Variants in APCDD1L observed in about 807,000 individuals in gnomAD.
APCDD1L encodes protein APCDD1-like.
Under a neutral mutation model 24.2 loss-of-function variants are expected in APCDD1L, and 21 were observed. That is an observed-to-expected ratio of 0.87 (90% CI 0.61 to 1.25). The LOEUF is 1.25. Ranked by LOEUF, APCDD1L falls within the 50% of genes most tolerant of loss-of-function variation. The pLI is 0.00. For synonymous variants in APCDD1L, 321 were observed against 323.6 expected (o/e 0.99, Z 0.09); for missense variants, 704 against 711.7 (o/e 0.99, Z 0.12).
At chr20:58,473,684 C>T (rs759373613) in intron 1 of APCDD1L, among the ~76,000 whole-genome samples, 18 of 152,140 alleles carry the variant, frequency 1.2e-4, no homozygotes, top group Non-Finnish European at 2.2e-4. Flanking sequence ...GGTTGGGTTA[C>T]ACAACTTTTT....
At chr20:58,514,363 C>T (rs1990695304) in intron 1 of APCDD1L, among the ~76,000 whole-genome samples, 1 of 152,206 alleles carries the variant, frequency 6.6e-6, no homozygotes, top group Non-Finnish European at 1.5e-5. Context: ...TCCCACTGGG[C>T]CCGGCACAAA....
At chr20:58,514,534 A>G (rs1014306677) in intron 1 of APCDD1L, 125 bp downstream of exon 1, 11 of 977,276 alleles carry the variant, frequency 1.1e-5, no homozygotes, top group Admixed American at 4.3e-5. Flanking sequence ...CGCAGGGCGC[A>G]GCATAGCAGC....
chr20:58,490,114 T>C (rs1484318729), intron 1 of APCDD1L, among the ~76,000 whole-genome samples: 1 of 152,182 alleles, frequency 6.6e-6, no homozygotes, highest in African/African-American at 2.4e-5. Context: ...TGGCAGGAGG[T>C]GAAAGTCCAC....
intron 1 of APCDD1L, 59 bp downstream of exon 1, chr20:58,514,600 G>A (rs958170167): frequency 1.6e-5 from 21 of 1,286,248 alleles, no homozygotes; most frequent in Non-Finnish European, 2.1e-5. Flanking sequence ...ACATTAGACG[G>A]CGAGCTCCCT....
chr20:58,493,115 GCA>G (rs375913656), intron 1 of APCDD1L, among the ~76,000 whole-genome samples: 6 of 151,630 alleles, frequency 4.0e-5, no homozygotes, highest in South Asian at 2.1e-4. Context: ...ATGCAAGCAT[GCA>G]CACACACATA....
In APCDD1L at chr20:58,496,561, C is replaced by T. The variant is rs963326067; in HGVS notation, c.49+18098G>A. On this transcript the variant is annotated intron_variant, in intron 1 of 3. Coordinates refer to ENST00000371149, the MANE Select transcript of APCDD1L (RefSeq NM_153360.3). ...CGACAGGGGAGAGAAAGGTGGGCTC[C>T]GTGGGCCTGAGCAACGGCAGGTGCA... Among the ~76,000 whole-genome samples, 11 of 152,200 alleles carry T rather than the reference C, an allele frequency of 7.2e-5. 1 individual carries two copies. The highest frequency in any genetic ancestry group is 4.1e-4 in the South Asian group (2 of 4,830).
chr20:58,483,004 G>A (rs1334126541), intron 1 of APCDD1L, among the ~76,000 whole-genome samples: 2 of 152,162 alleles, frequency 1.3e-5, no homozygotes, highest in Admixed American at 6.5e-5. Flanking sequence ...ATTCTGCCCA[G>A]TACTGGTCCA....
chr20:58,491,236 A>C (rs1405752693), intron 1 of APCDD1L, among the ~76,000 whole-genome samples: 1 of 152,238 alleles, frequency 6.6e-6, no homozygotes, highest in Non-Finnish European at 1.5e-5. Flanking sequence ...AATGACAATG[A>C]CTTTCAATGT....
At chr20:58,473,322 G>A (rs1172749007) in intron 1 of APCDD1L, among the ~76,000 whole-genome samples, 4 of 152,064 alleles carry the variant, frequency 2.6e-5, no homozygotes, top group Admixed American at 1.3e-4. Context: ...TGTTTCTGCC[G>A]AGTGCATTTT....
At chr20:58,479,596 T>C (rs1450444428) in intron 1 of APCDD1L, among the ~76,000 whole-genome samples, 1 of 118,658 alleles carries the variant, frequency 8.4e-6, no homozygotes, top group Non-Finnish European at 1.6e-5. Context: ...AGATTTGCTT[T>C]TTTTTTTTTT....
At position 58,461,320 on chromosome 20, in the gene APCDD1L, G is replaced by C. The variant is rs755749373; in HGVS notation, c.976C>G (p.Pro326Ala). The part of the protein sequence containing the change: ...HHFSDPACRQ[P>A]TFTVYAAGRY... ...CCGGCGGCATACACGGTGAAGGTGG[G>C]CTGCCGGCAGGCTGGGTCTGAGAAG... The change falls in exon 4 of 4, where the codon CCC becomes GCC. Residue 326 changes from proline to alanine, a missense_variant. Coordinates refer to ENST00000371149, the MANE Select transcript of APCDD1L (RefSeq NM_153360.3). The surrounding 1 kb of genome is among the most constrained non-coding windows in gnomAD (Gnocchi z 6.0). 4.4e-6 allele frequency: 7 copies of C among 1,604,094 alleles called. No homozygotes were observed. The highest frequency in any genetic ancestry group is 6.0e-6 in the Non-Finnish European group (7 of 1,172,936).
At chr20:58,475,249 T>C (rs1223600546) in intron 1 of APCDD1L, among the ~76,000 whole-genome samples, 4 of 152,198 alleles carry the variant, frequency 2.6e-5, no homozygotes, top group Non-Finnish European at 5.9e-5. Flanking sequence ...AAGTACTTTT[T>C]TCTCCTGTAA....
At chr20:58,469,820 C>T (rs115519088) in intron 2 of APCDD1L, among the ~76,000 whole-genome samples, 2,878 of 152,304 alleles carry the variant, frequency 0.019, 82 homozygotes, top group African/African-American at 0.066. Context: ...CAGTCCTTGA[C>T]CCCAGAATGG....
rs775184880 is a variant in APCDD1L, at chr20:58,461,137, T to C, written c.1159A>G (p.Met387Val). The change falls in exon 4 of 4, where the codon ATG becomes GTG. Residue 387 changes from methionine (M) to valine (V), a missense_variant. By Grantham distance (21) the Met-to-Val change is conservative. Transcript: ENST00000371149. This position sits in a 1 kb window ranked among gnomAD's most constrained non-coding sequence, Gnocchi z 6.0. ...GCTGTGACATCCCGCTCAGTGCCCATGGACCAGGCCCCCGCACCCCCACAG... is the reference window on the plus strand; with the variant it reads ...GCTGTGACATCCCGCTCAGTGCCCACGGACCAGGCCCCCGCACCCCCACAG... ...SSCGGAGAWS[M>V]GTERDVTATN... is the part of the protein sequence containing the mutation. The C allele has an allele frequency of 3.1e-6, 5 of 1,613,452 alleles. No individual in the cohort carries two copies. The highest frequency in any genetic ancestry group is 1.7e-4 in the Middle Eastern group (1 of 6,058).
At chr20:58,491,266 G>T (rs1402408442) in intron 1 of APCDD1L, among the ~76,000 whole-genome samples, 1 of 151,998 alleles carries the variant, frequency 6.6e-6, no homozygotes, top group Non-Finnish European at 1.5e-5. Context: ...AGTCCTTGCA[G>T]CAAAACAAGA....
rs181686129 is a variant in APCDD1L at position 58,508,716 on chromosome 20, G to A, written c.49+5943C>T. On this transcript the variant is annotated intron_variant, in intron 1 of 3. Transcript: ENST00000371149. This position sits in a 1 kb window ranked among gnomAD's most constrained non-coding sequence, Gnocchi z 4.0. ...TGAGCGATTACTGAGTACCTACTAT[G>A]TGCCAGGCACTGTTCTAGGGACCCG... Among the ~76,000 whole-genome samples, 28 of 152,294 alleles carry A rather than the reference G, an allele frequency of 1.8e-4. No individual in the cohort carries two copies. The highest frequency in any genetic ancestry group is 1.6e-3 in the Admixed American group (25 of 15,312).
In APCDD1L at chr20:58,512,107, C is replaced by T. The variant is rs188416262; in HGVS notation, c.49+2552G>A. Among the ~76,000 whole-genome samples, 67 of 152,312 alleles carry T rather than the reference C, an allele frequency of 4.4e-4. No individual in the cohort carries two copies. In the East Asian group the frequency reaches 7.5e-3, roughly 17 times the overall value. On this transcript the variant is annotated intron_variant, in intron 1 of 3. Coordinates refer to ENST00000371149, the MANE Select transcript of APCDD1L (RefSeq NM_153360.3). ...CGCTGCAGTGGGTGACTACCCATACCGCAGCCTGGCTCCTGCGGCCGCCAT... is the reference window on the plus strand; with the variant it reads ...CGCTGCAGTGGGTGACTACCCATACTGCAGCCTGGCTCCTGCGGCCGCCAT...
At chr20:58,510,249 C>T (rs556614089) in intron 1 of APCDD1L, among the ~76,000 whole-genome samples, 44 of 152,144 alleles carry the variant, frequency 2.9e-4, no homozygotes, top group Non-Finnish European at 3.5e-4. Context: ...TTCTGTCTTC[C>T]GCACCTCACA....
chr20:58,460,503 A>C lies in APCDD1L; in HGVS notation c.*287T>G. On this transcript the variant is annotated 3_prime_UTR_variant, in exon 4 of 4. Transcript: ENST00000371149. This position sits in a 1 kb window ranked among gnomAD's most constrained non-coding sequence, Gnocchi z 4.2. ...TTGGCGAGCTGCCAAGGATGAGGAA[A>C]GTAGAAAAATTGGGAGTGATCTTTA... 3.4e-6 allele frequency: 1 copy of C among 293,272 alleles called. No individual in the cohort carries two copies. The highest frequency in any genetic ancestry group is 6.3e-6 in the Non-Finnish European group (1 of 159,192). 18.2% of individuals were successfully genotyped at this position (293,272 alleles called of 1,614,324 possible).
Sources: gnomAD v4.1 joint callset for allele counts (sites outside exome capture counted in the v4.1 genomes callset) on GRCh38, gnomAD v4.1.1 for gene constraint, Gnocchi (gnomAD v3.1) non-coding constraint, MANE v1.5 for transcripts, NCBI Gene and HGNC (gene_info 2026-07-23, HGNC 2026-07-21) for gene names.